Variants in PTPN12 observed in about 807,000 individuals in gnomAD.
The protein encoded by PTPN12 is tyrosine-protein phosphatase non-receptor type 12.
A neutral mutation model predicts 97.6 loss-of-function variants in PTPN12; 29 were observed. The ratio of observed to expected loss-of-function variants is 0.30; its 90% CI spans 0.22 to 0.41. The LOEUF is 0.41. PTPN12 is among the 10% of genes least tolerant of loss of function. PTPN12 has a pLI of 1.00. For synonymous variants in PTPN12, 327 were observed against 300.4 expected (o/e 1.09, Z -0.91); for missense variants, 819 against 926.0 (o/e 0.88, Z 1.50).
intron 2 of PTPN12, among the ~76,000 whole-genome samples, chr7:77,572,650 G>A (rs1313452722): frequency 6.6e-6 from 1 of 152,168 alleles, no homozygotes; most frequent in Non-Finnish European, 1.5e-5. Context: ...TCTGGAAGTT[G>A]AAATCCTGAC....
chr7:77,605,945 CTTTTTTTTTT>C (rs10648385), intron 8 of PTPN12, among the ~76,000 whole-genome samples: 2 of 51,896 alleles, frequency 3.9e-5, no homozygotes, highest in African/African-American at 7.9e-5. Flanking sequence ...CAAGAGCCAT[CTTTTTTTTTT>C]TTTTTTTTTT....
intron 1 of PTPN12, among the ~76,000 whole-genome samples, chr7:77,570,578 T>C (rs1212552660): frequency 6.6e-6 from 1 of 152,240 alleles, no homozygotes; most frequent in Non-Finnish European, 1.5e-5. Context: ...ATAAGCAGAA[T>C]TGGTCTTTGT....
Position 77,607,186 on chromosome 7 carries a change from A to T in PTPN12, c.696-49A>T. ...ACATGTCTATCCACATTTATTTTAT[A>T]GTTGTTTTATCACAAAAATCAATTG... On this transcript the variant is annotated intron_variant, in intron 8 of 17. Coordinates refer to ENST00000248594, the MANE Select transcript of PTPN12 (RefSeq NM_002835.4). 4.4e-6 allele frequency: 6 copies of T among 1,370,692 alleles called. 1 individual carries two copies. The South Asian group carries it at 7.6e-5, about 17-fold the overall frequency. The allele number at this position is 1,370,692 out of a possible 1,614,324, so 84.9% of individuals were successfully genotyped here. A position where few individuals can be genotyped will look rare whatever the true frequency, so the allele number is the denominator to read the frequency against.
chr7:77,556,336 T>TA (rs1807710942), intron 1 of PTPN12, among the ~76,000 whole-genome samples: 1 of 152,062 alleles, frequency 6.6e-6, no homozygotes, highest in African/African-American at 2.4e-5. Flanking sequence ...GTGCTGGGAT[T>TA]ACAGGCATGA....
chr7:77,637,114 C>A, intron 16 of PTPN12, 66 bp downstream of exon 16: 1 of 1,284,120 alleles, frequency 7.8e-7, no homozygotes, highest in Non-Finnish European at 1.1e-6. Flanking sequence ...TACAAAATAA[C>A]ATGCTTCATA....
At chr7:77,600,634 A>G in intron 7 of PTPN12, 30 bp from the exon 8 acceptor site, 1 of 1,549,234 alleles carries the variant, frequency 6.5e-7, no homozygotes, top group East Asian at 2.3e-5. Flanking sequence ...AAGTATTTTC[A>G]TAATTGTTGA....
chr7:77,600,887 T>C, intron 8 of PTPN12, 81 bp downstream of exon 8: 1 of 1,220,864 alleles, frequency 8.2e-7, no homozygotes, highest in Admixed American at 2.5e-5. Context: ...ATTAATATGT[T>C]AGTAATCTTG....
intron 2 of PTPN12, among the ~76,000 whole-genome samples, chr7:77,571,980 G>A (rs958470021): frequency 6.6e-6 from 1 of 152,016 alleles, no homozygotes; most frequent in Non-Finnish European, 1.5e-5. Flanking sequence ...TAAAGCTGCC[G>A]TCGTTTTTCT....
intron 15 of PTPN12, among the ~76,000 whole-genome samples, chr7:77,636,116 G>A (rs1363583599): frequency 6.6e-6 from 1 of 151,954 alleles, no homozygotes; most frequent in Non-Finnish European, 1.5e-5. Context: ...TGTAAATTAT[G>A]CTTCAAATAA....
chr7:77,559,370 T>C (rs1334750427), intron 1 of PTPN12, among the ~76,000 whole-genome samples: 1 of 152,246 alleles, frequency 6.6e-6, no homozygotes, highest in East Asian at 1.9e-4. Context: ...TTCAGTGATA[T>C]GTTGGATCAG....
chr7:77,634,434 T>A (rs1789513991), intron 14 of PTPN12, among the ~76,000 whole-genome samples: 1 of 152,004 alleles, frequency 6.6e-6, no homozygotes, highest in Non-Finnish European at 1.5e-5. Flanking sequence ...TTTATTTATT[T>A]ATTTTTTATT....
At chr7:77,586,152 C>G (rs1215576730) in intron 5 of PTPN12, among the ~76,000 whole-genome samples, 1 of 152,136 alleles carries the variant, frequency 6.6e-6, no homozygotes, top group Non-Finnish European at 1.5e-5. Flanking sequence ...TGGGGTTTCA[C>G]CATGTTGGCC....
At chr7:77,591,832 A>G (rs1483922363) in intron 5 of PTPN12, among the ~76,000 whole-genome samples, 1 of 152,228 alleles carries the variant, frequency 6.6e-6, no homozygotes, top group African/African-American at 2.4e-5. Flanking sequence ...AAGCAATACA[A>G]CTTACCTAGC....
intron 1 of PTPN12, chr7:77,564,334 GT>G (rs1267554790): frequency 6.6e-6 from 1 of 152,224 alleles, no homozygotes; most frequent in Non-Finnish European, 1.5e-5. Flanking sequence ...AGAAATTTTG[GT>G]TTGGTTATCA....
At chr7:77,632,491 G>T in intron 14 of PTPN12, 66 bp downstream of exon 14, 1 of 1,209,946 alleles carries the variant, frequency 8.3e-7, no homozygotes, top group South Asian at 1.2e-5. Flanking sequence ...AAACATACCT[G>T]ATTTTAATCT....
At chr7:77,598,038 G>A (rs1788075255) in intron 7 of PTPN12, 137 bp downstream of exon 7, 1 of 1,168,018 alleles carries the variant, frequency 8.6e-7, no homozygotes, top group Non-Finnish European at 1.1e-6. Context: ...GACTAGCCTG[G>A]GCAACATAGT....
chr7:77,622,282 AG>A (rs1788967030), intron 12 of PTPN12, among the ~76,000 whole-genome samples: 1 of 152,238 alleles, frequency 6.6e-6, no homozygotes, highest in Admixed American at 6.5e-5. Flanking sequence ...AGTTCTTAAA[AG>A]TGAACAGAAC....
chr7:77,606,862 C>T (rs1466254978), intron 8 of PTPN12: 1 of 170,638 alleles, frequency 5.9e-6, no homozygotes, highest in Non-Finnish European at 1.3e-5. Context: ...TGGTTATGTT[C>T]ACATGACCCT....
At chr7:77,542,567 C>G (rs919924280) in intron 1 of PTPN12, among the ~76,000 whole-genome samples, 9 of 152,034 alleles carry the variant, frequency 5.9e-5, no homozygotes, top group African/African-American at 1.9e-4. Context: ...TACAACACAT[C>G]TGATAAGAAT....
Sources: allele counts gnomAD v4.1 joint callset (sites outside exome capture counted in the v4.1 genomes callset), GRCh38; gene constraint gnomAD v4.1.1; transcripts MANE v1.5; gene names NCBI Gene and HGNC (gene_info 2026-07-23, HGNC 2026-07-21).